The following ARMC8 variants were observed in gnomAD, a reference collection of about 807,000 sequenced individuals.
ARMC8 encodes the protein armadillo repeat-containing protein 8.
ARMC8 carries 20 observed loss-of-function variants against 99.3 expected under a neutral mutation model. The observed-to-expected ratio is 0.20, with a 90% CI of 0.14 to 0.29. ARMC8 has a LOEUF of 0.29. Ranked by LOEUF, ARMC8 falls within the 10% of genes least tolerant of loss-of-function variation. The probability of loss-of-function intolerance (pLI) is 1.00; values close to 1 mark genes in which losing one functional copy is unlikely to be tolerated. For synonymous variants in ARMC8, 263 were observed against 278.3 expected (o/e 0.95, Z 0.55); for missense variants, 569 against 809.5 (o/e 0.70, Z 3.60).
intron 18 of ARMC8, among the ~76,000 whole-genome samples, chr3:138,275,404 A>C (rs1307003141): frequency 6.6e-6 from 1 of 152,116 alleles, no homozygotes; most frequent in Non-Finnish European, 1.5e-5. Flanking sequence ...AAAAAAATAC[A>C]AAAAATTAGC....
Position 138,241,702 on chromosome 3 carries a change from G to T in ARMC8, c.838-81G>T, listed in dbSNP as rs1479235359. 1.3e-5 allele frequency: 15 copies of T among 1,130,198 alleles called. No individual in the cohort carries two copies. The East Asian group carries it at 3.4e-4, about 25-fold the overall frequency. The allele number at this position is 1,130,198 out of a possible 1,614,324, so 70.0% of individuals were successfully genotyped here. On this transcript the variant is annotated intron_variant, in intron 10 of 21. Transcript: ENST00000469044. ...ATCATAAACATTACTCCTGATAAAA[G>T]CTATTGAGTTGATTCAGTCACTATA... is the stretch of plus-strand genomic sequence containing the variant.
At chr3:138,290,402 A>G (rs1577053485) in intron 20 of ARMC8, 144 bp from the exon 21 acceptor site, 1 of 627,292 alleles carries the variant, frequency 1.6e-6, no homozygotes, top group South Asian at 2.0e-5. Context: ...AGCGGGTCCA[A>G]CTACATTGGG....
intron 21 of ARMC8, 37 bp downstream of exon 21, chr3:138,290,676 T>C: frequency 7.1e-7 from 1 of 1,415,426 alleles, no homozygotes; most frequent in Non-Finnish European, 9.8e-7. Context: ...CTTTGGGCTG[T>C]GTTGGATTCT....
chr3:138,283,574 G>A (rs2050134699), intron 18 of ARMC8, among the ~76,000 whole-genome samples: 1 of 152,158 alleles, frequency 6.6e-6, no homozygotes, highest in African/African-American at 2.4e-5. Context: ...CCTGCAGAGG[G>A]CATACCCATA....
intron 18 of ARMC8, among the ~76,000 whole-genome samples, chr3:138,276,584 C>T (rs2049316783): frequency 6.6e-6 from 1 of 152,100 alleles, no homozygotes; most frequent in Non-Finnish European, 1.5e-5. Flanking sequence ...ATGAGTTAAG[C>T]AAGGTCACAA....
intron 12 of ARMC8, among the ~76,000 whole-genome samples, chr3:138,260,099 C>A (rs969023999): frequency 6.6e-6 from 1 of 152,192 alleles, no homozygotes; most frequent in Non-Finnish European, 1.5e-5. Flanking sequence ...CAAAACCATG[C>A]CTGTCACTCT....
At chr3:138,188,283 G>A in intron 1 of ARMC8, 1 of 859,388 alleles carries the variant, frequency 1.2e-6, no homozygotes, top group Non-Finnish European at 1.7e-6. Flanking sequence ...TTTTCTTTAA[G>A]GGGAGTCAAA....
chr3:138,227,960 C>A (rs2045779296), intron 5 of ARMC8, among the ~76,000 whole-genome samples: 1 of 152,136 alleles, frequency 6.6e-6, no homozygotes. Flanking sequence ...TTAACTCCTT[C>A]TGCTTTCTTT....
At chr3:138,268,462 T>A (rs1349197786) in intron 15 of ARMC8, among the ~76,000 whole-genome samples, 1 of 152,194 alleles carries the variant, frequency 6.6e-6, no homozygotes, top group Non-Finnish European at 1.5e-5. Flanking sequence ...CATCCTTAAC[T>A]GCTCTTATAT....
chr3:138,220,617 G>C (rs113211389), intron 2 of ARMC8, among the ~76,000 whole-genome samples: 4 of 152,064 alleles, frequency 2.6e-5, no homozygotes, highest in African/African-American at 9.6e-5. Context: ...TCGTTACCAG[G>C]TTCTTTAATG....
rs1276988161 is a variant in ARMC8, at chr3:138,237,313, G to T, written c.614G>T (p.Arg205Leu). 6 of 1,611,822 alleles carry T rather than the reference G, an allele frequency of 3.7e-6. No individual in the cohort carries two copies. The highest frequency in any genetic ancestry group is 5.1e-6 in the Non-Finnish European group (6 of 1,179,488). The change falls in exon 8 of 22, where the codon CGA (arginine) becomes CTA (leucine). Residue 205 changes from arginine to leucine, a missense_variant. Arg to Leu is a moderately radical substitution (Grantham distance 102). This residue lies in a region of ARMC8 where 342 missense variants were observed against 391.6 expected (regional missense o/e 0.87). Coordinates refer to ENST00000469044, the MANE Select transcript of ARMC8 (RefSeq NM_001363941.2). ...TTTGTTCATTTATTTTTACAGGTTC[G>T]AATGCAAGCACTGAAATGTTTCTCA... ...HLLTSLSYKV[R>L]MQALKCFSVL...
chr3:138,276,599 G>T (rs1029131056), intron 18 of ARMC8, among the ~76,000 whole-genome samples: 1 of 152,192 alleles, frequency 6.6e-6, no homozygotes, highest in Non-Finnish European at 1.5e-5. Flanking sequence ...TCACAAGATA[G>T]AAAAGGCAGT....
At chr3:138,258,367 A>C (rs778942535) in intron 12 of ARMC8, among the ~76,000 whole-genome samples, 2 of 152,192 alleles carry the variant, frequency 1.3e-5, no homozygotes, top group African/African-American at 4.8e-5. Flanking sequence ...CAAAGACCAT[A>C]TCTCTGACTC....
rs1471772254 is a variant in ARMC8, at chr3:138,296,054, G to A, written c.*162G>A. On this transcript the variant is annotated 3_prime_UTR_variant, in exon 22 of 22. Transcript: ENST00000469044. Reference sequence around the variant, plus strand: ...GGCTTAGATCTCAAATTCATCTTGAGAACATTTTTTTGAGGTAGTAATTTC... The same window carrying A: ...GGCTTAGATCTCAAATTCATCTTGAAAACATTTTTTTGAGGTAGTAATTTC... 1 of 583,382 alleles carries A rather than the reference G, an allele frequency of 1.7e-6. No homozygotes were observed. Among genetic ancestry groups the A allele is most frequent in the East Asian group, 3.3e-5 (1 of 29,924 alleles). 36.1% of individuals were successfully genotyped at this position (583,382 alleles called of 1,614,324 possible).
At position 138,296,190 on chromosome 3, in the gene ARMC8, G is replaced by A; in HGVS notation, c.*298G>A. On this transcript the variant is annotated 3_prime_UTR_variant, in exon 22 of 22. Coordinates refer to ENST00000469044, the MANE Select transcript of ARMC8 (RefSeq NM_001363941.2). Reference sequence around the variant, plus strand: ...ACCTACAATTTTTGCCTATGCTGCAGCCACTTTGTGAGTGAGAATGAATAT... The same window carrying A: ...ACCTACAATTTTTGCCTATGCTGCAACCACTTTGTGAGTGAGAATGAATAT... The A allele has an allele frequency of 3.2e-6, 1 of 310,106 alleles. No homozygotes were observed. The highest frequency in any genetic ancestry group is 6.0e-6 in the Non-Finnish European group (1 of 166,416). 19.2% of individuals were successfully genotyped at this position (310,106 alleles called of 1,614,324 possible).
At chr3:138,279,313 ATTG>A (rs985493513) in intron 18 of ARMC8, among the ~76,000 whole-genome samples, 9 of 152,170 alleles carry the variant, frequency 5.9e-5, no homozygotes, top group African/African-American at 2.2e-4. Flanking sequence ...ATCTGTTGAA[ATTG>A]TTTTTTTAAA....
At chr3:138,199,498 G>A (rs1372293359) in intron 1 of ARMC8, among the ~76,000 whole-genome samples, 4 of 152,110 alleles carry the variant, frequency 2.6e-5, no homozygotes, top group Non-Finnish European at 5.9e-5. Context: ...CCAAGTAGAG[G>A]CAGATTTTTT....
At chr3:138,216,045 ATTTTTT>A (rs755521341) in intron 2 of ARMC8, among the ~76,000 whole-genome samples, 1 of 128,536 alleles carries the variant, frequency 7.8e-6, no homozygotes, top group African/African-American at 2.9e-5. Flanking sequence ...TGCCCAGCTA[ATTTTTT>A]TTTTTTTTTT....
intron 1 of ARMC8, chr3:138,188,236 C>A: frequency 2.0e-6 from 1 of 506,926 alleles, no homozygotes; most frequent in Non-Finnish European, 3.3e-6. Context: ...GGCTCTGAGT[C>A]AGAGGAACTC....
Sources: gnomAD v4.1 joint callset for allele counts (sites outside exome capture counted in the v4.1 genomes callset) on GRCh38, gnomAD v4.1.1 for gene constraint, gnomAD v4.1.1 regional missense constraint, MANE v1.5 for transcripts, NCBI Gene and HGNC (gene_info 2026-07-23, HGNC 2026-07-21) for gene names.